AP1S1: variants seen among roughly 807,000 people sequenced by gnomAD.
AP1S1 encodes AP-1 complex subunit sigma-1A.
In AP1S1, 13 loss-of-function variants were observed where a neutral mutation model predicts 23.9. That is an observed-to-expected ratio of 0.54 (90% confidence interval 0.35 to 0.86). The LOEUF is 0.86. AP1S1 is among the 40% of genes least tolerant of loss of function. The pLI is 0.01. For missense variants in AP1S1, 119 were observed against 197.6 expected (o/e 0.60, Z 2.38); for synonymous variants, 84 against 77.7 (o/e 1.08, Z -0.43).
At chr7:101,156,486 C>T (rs767553274) in intron 1 of AP1S1, 108 bp from the exon 2 acceptor site, 93 of 1,329,806 alleles carry the variant, frequency 7.0e-5, no homozygotes, top group Non-Finnish European at 9.1e-5. Context: ...AAACACCCAG[C>T]CTTGAGAGCA....
rs746350848 is a variant in AP1S1 at position 101,157,407 on chromosome 7, C to T, written c.213C>T (p.Ile71=). The T allele has an allele frequency of 1.1e-5, 17 of 1,580,904 alleles. No individual in the cohort carries two copies. The highest frequency in any genetic ancestry group is 2.3e-5 in the East Asian group (1 of 43,096). The change falls in exon 3 of 5, where the codon ATC becomes ATT. Residue 71 remains isoleucine, a synonymous_variant. Coordinates refer to ENST00000337619, the MANE Select transcript of AP1S1 (RefSeq NM_001283.5). ...RYASLYFCCA[I]EGQDNELITL... is the part of the protein sequence containing the mutation. ...CCAGCCTCTACTTCTGCTGCGCCAT[C>T]GAGGGCCAAGACAATGAGCTCATCA...
At chr7:101,156,840 A>G in intron 2 of AP1S1, 68 bp downstream of exon 2, 1 of 1,393,428 alleles carries the variant, frequency 7.2e-7, no homozygotes. Context: ...TGTCTGAGAA[A>G]TGGTCGTCCT....
intron 4 of AP1S1, 65 bp downstream of exon 4, chr7:101,159,261 C>G: frequency 6.5e-7 from 1 of 1,548,406 alleles, no homozygotes; most frequent in Non-Finnish European, 8.7e-7. Flanking sequence ...CCTCCCTCCC[C>G]TGGACACCCG....
At position 101,161,111 on chromosome 7, in the gene AP1S1, G is replaced by A. The variant is rs1484748907; in HGVS notation, c.*545G>A. On this transcript the variant is annotated 3_prime_UTR_variant, in exon 5 of 5. Transcript: ENST00000337619. ...TTTTTCTAACCTTGCCACTTTGAGG[G>A]AAGGAAGGGTTGGGGGAAGGGCAAG... 3.4e-6 allele frequency: 1 copy of A among 296,164 alleles called. No homozygotes were observed. The highest frequency in any genetic ancestry group is 2.3e-5 in the African/African-American group (1 of 44,346). The allele number at this position is 296,164 out of a possible 1,614,324, so 18.3% of individuals were successfully genotyped here.
intron 3 of AP1S1, among the ~76,000 whole-genome samples, chr7:101,158,504 C>T (rs771290698): frequency 2.6e-5 from 4 of 151,994 alleles, no homozygotes; most frequent in African/African-American, 7.3e-5. Flanking sequence ...GTGGGAAGAA[C>T]GTCACAGATT....
At position 101,161,037 on chromosome 7, in the gene AP1S1, C is replaced by T; in HGVS notation, c.*471C>T. On this transcript the variant is annotated 3_prime_UTR_variant, in exon 5 of 5. Coordinates refer to ENST00000337619, the MANE Select transcript of AP1S1 (RefSeq NM_001283.5). ...CCTGGACCCCCCTCTTTCTCCTTGG[C>T]TGCAGTGGGGCCTTTATCCAGTGCC... The T allele has an allele frequency of 2.8e-6, 1 of 350,988 alleles. No homozygotes were observed. The highest frequency in any genetic ancestry group is 2.2e-5 in the South Asian group (1 of 45,838). 21.7% of individuals were successfully genotyped at this position (350,988 alleles called of 1,614,324 possible). A position where few individuals can be genotyped will look rare whatever the true frequency, so the allele number is the denominator to read the frequency against.
intron 3 of AP1S1, 68 bp downstream of exon 3, chr7:101,157,553 G>A (rs1178189016): frequency 8.8e-6 from 11 of 1,253,188 alleles, no homozygotes; most frequent in Admixed American, 4.0e-5. Context: ...AAACTTTGAG[G>A]CCCCTCCAGT....
At chr7:101,158,589 G>T (rs957722339) in intron 3 of AP1S1, among the ~76,000 whole-genome samples, 3 of 152,178 alleles carry the variant, frequency 2.0e-5, no homozygotes, top group Admixed American at 2.0e-4. Flanking sequence ...GAGGAAAGAT[G>T]CAAGAGGAAG....
rs559770641 is a variant in AP1S1 at position 101,160,409 on chromosome 7, C to A, written c.430-110C>A. 1.8e-4 allele frequency: 239 copies of A among 1,320,570 alleles called. 1 individual carries two copies. In the African/African-American group the frequency reaches 3.3e-3, roughly 18 times the overall value. The allele number at this position is 1,320,570 out of a possible 1,614,324, so 81.8% of individuals were successfully genotyped here. A position where few individuals can be genotyped will look rare whatever the true frequency, so the allele number is the denominator to read the frequency against. ...GCTCACATTGGCTTCTCTCCCCCTC[C>A]CCCGTGTCTGTGCCTCCCCCGTCTG... On this transcript the variant is annotated intron_variant, in intron 4 of 4. Transcript: ENST00000337619.
rs1796957251 is a variant in AP1S1 at position 101,154,498 on chromosome 7, G to C, written c.-17G>C. ...TACGGTGGCCGAAGTGGGACGCGCCGAGCCGGAGGCTGCAGGATGGTAGGC... is the reference window on the plus strand; with the variant it reads ...TACGGTGGCCGAAGTGGGACGCGCCCAGCCGGAGGCTGCAGGATGGTAGGC... On this transcript the variant is annotated 5_prime_UTR_variant, in exon 1 of 5. Transcript: ENST00000337619. 6 of 1,573,716 alleles carry C rather than the reference G, an allele frequency of 3.8e-6. No individual in the cohort carries two copies. Among genetic ancestry groups the C allele is most frequent in the Non-Finnish European group, 5.2e-6 (6 of 1,160,334 alleles).
At position 101,157,366 on chromosome 7, in the gene AP1S1, C is replaced by A. The variant is rs564173063; in HGVS notation, c.183-11C>A. ...AGCTTGTAGCGATGTCTCATGCGCT[C>A]CTCTCCGCAGATATGCCAGCCTCTA... On this transcript the variant is annotated splice_polypyrimidine_tract_variant and intron_variant, in intron 2 of 4. Coordinates refer to ENST00000337619, the MANE Select transcript of AP1S1 (RefSeq NM_001283.5). 2 of 1,554,852 alleles carry A rather than the reference C, an allele frequency of 1.3e-6. No individual in the cohort carries two copies. The highest frequency in any genetic ancestry group is 1.2e-5 in the South Asian group (1 of 84,270).
At chr7:101,157,540 A>G in intron 3 of AP1S1, 55 bp downstream of exon 3, 1 of 1,440,038 alleles carries the variant, frequency 6.9e-7, no homozygotes, top group Non-Finnish European at 9.6e-7. Context: ...TTGGTAATCC[A>G]CCAAACTTTG....
intron 4 of AP1S1, 114 bp from the exon 5 acceptor site, chr7:101,160,399 TCTCCCC>T: frequency 8.0e-7 from 1 of 1,244,022 alleles, no homozygotes; most frequent in Non-Finnish European, 1.1e-6. Flanking sequence ...CATTGGCTTC[TCTCCCC>T]CTCCCCCGTG....
intron 3 of AP1S1, among the ~76,000 whole-genome samples, chr7:101,158,257 T>A (rs1365108603): frequency 6.6e-6 from 1 of 152,216 alleles, no homozygotes; most frequent in Non-Finnish European, 1.5e-5. Flanking sequence ...CTCCATAATT[T>A]GTGTTATAAA....
Position 101,154,537 on chromosome 7 carries a change from AG to A in AP1S1, c.3+24del. ...AGGATGGTAGGCTGTGCGAAGAGGG[AG>A]GGGAGGGGGAAGCGAGGGGCGTGGG... On this transcript the variant is annotated intron_variant, in intron 1 of 4. Transcript: ENST00000337619. The A allele has an allele frequency of 7.2e-7, 1 of 1,382,978 alleles. No individual in the cohort carries two copies. The highest frequency in any genetic ancestry group is 9.5e-7 in the Non-Finnish European group (1 of 1,048,362). The allele number at this position is 1,382,978 out of a possible 1,614,324, so 85.7% of individuals were successfully genotyped here. A position where few individuals can be genotyped will look rare whatever the true frequency, so the allele number is the denominator to read the frequency against.
chr7:101,157,366 C>G lies in AP1S1; in HGVS notation c.183-11C>G, dbSNP rs564173063. 141 of 1,554,742 alleles carry G rather than the reference C, an allele frequency of 9.1e-5. No individual in the cohort carries two copies. The highest frequency in any genetic ancestry group is 1.2e-4 in the Non-Finnish European group (134 of 1,147,860). ...AGCTTGTAGCGATGTCTCATGCGCT[C>G]CTCTCCGCAGATATGCCAGCCTCTA... On this transcript the variant is annotated splice_polypyrimidine_tract_variant and intron_variant, in intron 2 of 4. Coordinates refer to ENST00000337619, the MANE Select transcript of AP1S1 (RefSeq NM_001283.5).
At chr7:101,157,879 G>C (rs1797019425) in intron 3 of AP1S1, among the ~76,000 whole-genome samples, 1 of 152,136 alleles carries the variant, frequency 6.6e-6, no homozygotes, top group Non-Finnish European at 1.5e-5. Context: ...CTTAACCTCT[G>C]GGCTCAAGCC....
chr7:101,154,926 G>C (rs1237465163), intron 1 of AP1S1: 8 of 1,076,132 alleles, frequency 7.4e-6, no homozygotes, highest in Admixed American at 5.2e-5. Flanking sequence ...AGGCGGGAGC[G>C]GGGACCCGGG....
In AP1S1 at chr7:101,159,327, C is replaced by T. The variant is rs538203980; in HGVS notation, c.429+131C>T. The stretch of plus-strand genomic sequence containing the variant: ...CCCCCTCCCTGTGGTATCTGACCCC[C>T]ACCACGCCCAGCTCTCCAGCTTACT... On this transcript the variant is annotated intron_variant, in intron 4 of 4. Coordinates refer to ENST00000337619, the MANE Select transcript of AP1S1 (RefSeq NM_001283.5). The T allele has an allele frequency of 1.7e-3, 2,314 of 1,331,010 alleles. 4 individuals are homozygous for T. Among genetic ancestry groups the T allele is most frequent in the Non-Finnish European group, 2.0e-3 (1,971 of 983,990 alleles). The allele number at this position is 1,331,010 out of a possible 1,614,324, so 82.4% of individuals were successfully genotyped here.
Sources: allele counts gnomAD v4.1 joint callset (sites outside exome capture counted in the v4.1 genomes callset), GRCh38; gene constraint gnomAD v4.1.1; transcripts MANE v1.5; gene names NCBI Gene and HGNC (gene_info 2026-07-23, HGNC 2026-07-21).